Variants in PTPRT observed in about 807,000 individuals in gnomAD.
PTPRT encodes the protein receptor-type tyrosine-protein phosphatase T.
A neutral mutation model predicts 176.8 loss-of-function variants in PTPRT; 56 were observed. The observed-to-expected ratio is 0.32, with a 90% CI of 0.26 to 0.40. The LOEUF is 0.40. Ranked by LOEUF, PTPRT falls within the 10% of genes least tolerant of loss-of-function variation. PTPRT has a pLI of 1.00. For missense variants in PTPRT, 1,540 were observed against 1,908.2 expected (o/e 0.81, Z 3.60); for synonymous variants, 783 against 739.0 (o/e 1.06, Z -0.96).
intron 1 of PTPRT, among the ~76,000 whole-genome samples, chr20:43,137,013 C>A (rs181730925): frequency 1.6e-3 from 243 of 152,292 alleles, no homozygotes; most frequent in African/African-American, 5.7e-3. Context: ...ATGCCAGATT[C>A]TAGAATCCAG....
chr20:42,863,949 G>A (rs1196012108), intron 2 of PTPRT, among the ~76,000 whole-genome samples: 2 of 152,224 alleles, frequency 1.3e-5, no homozygotes, highest in Non-Finnish European at 2.9e-5. Flanking sequence ...AAAGTCTGAA[G>A]AGTCAGGAGC....
At chr20:42,816,547 G>T (rs2077789836) in intron 2 of PTPRT, among the ~76,000 whole-genome samples, 1 of 152,160 alleles carries the variant, frequency 6.6e-6, no homozygotes, top group Non-Finnish European at 1.5e-5. Flanking sequence ...AGGAAGGGAG[G>T]TGACTGGATC....
intron 7 of PTPRT, among the ~76,000 whole-genome samples, chr20:42,629,751 A>G (rs2074368658): frequency 2.0e-5 from 3 of 152,322 alleles, no homozygotes; most frequent in Admixed American, 6.5e-5. Context: ...GAACAGGGAG[A>G]AGATCAAATC....
rs1437454346 is a variant in PTPRT, at chr20:42,145,515, T to TAGATAGAC, written c.2683-3514_2683-3513insGTCTATCT. On this transcript the variant is annotated intron_variant, in intron 17 of 30. Coordinates refer to ENST00000373187, the MANE Select transcript of PTPRT (RefSeq NM_007050.6). ...TTTGTCTCATAGATAGATAGATAGA[T>TAGATAGAC]AGATAGATAGATAGATAGATAGATA... Among the ~76,000 whole-genome samples, 4 of 149,736 alleles carry TAGATAGAC rather than the reference T, an allele frequency of 2.7e-5. No homozygotes were observed. In the South Asian group the frequency reaches 8.4e-4, roughly 32 times the overall value.
intron 7 of PTPRT, among the ~76,000 whole-genome samples, chr20:42,507,778 C>G (rs1479564531): frequency 6.6e-6 from 1 of 151,498 alleles, no homozygotes; most frequent in East Asian, 1.9e-4. Flanking sequence ...TGGGTTGCAA[C>G]AGCAGCCAGA....
chr20:42,241,825 T>G lies in PTPRT; in HGVS notation c.2313-5567A>C, dbSNP rs139389704. 5.3e-5 allele frequency among the ~76,000 whole-genome samples: 8 copies of G among 152,110 alleles called. No individual in the cohort carries two copies. The East Asian group carries it at 1.6e-3, about 30-fold the overall frequency. On this transcript the variant is annotated intron_variant, in intron 14 of 30. Coordinates refer to ENST00000373187, the MANE Select transcript of PTPRT (RefSeq NM_007050.6). ...CACATTTTGTTTGGGCGTTTGGGCT[T>G]TTTTCCCACCTCGATAAATCACTCA...
chr20:42,762,575 A>G (rs2076929796), intron 5 of PTPRT, among the ~76,000 whole-genome samples: 1 of 152,222 alleles, frequency 6.6e-6, no homozygotes, highest in African/African-American at 2.4e-5. Context: ...AACCCAACCC[A>G]TACTCTATTG....
Position 42,718,145 on chromosome 20 carries a change from C to T in PTPRT, c.859+38317G>A, listed in dbSNP as rs531276937. On this transcript the variant is annotated intron_variant, in intron 6 of 30. Coordinates refer to ENST00000373187, the MANE Select transcript of PTPRT (RefSeq NM_007050.6). ...AACACGTACAGAATATTTACAGTCA[C>T]GTGGTTCATTATGTCTAAATAATAG... is the stretch of plus-strand genomic sequence containing the variant. Among the ~76,000 whole-genome samples, 6 of 152,348 alleles carry T rather than the reference C, an allele frequency of 3.9e-5. No homozygotes were observed. In the East Asian group the frequency reaches 9.6e-4, roughly 24 times the overall value.
At chr20:43,088,894 G>C (rs2011713565) in intron 1 of PTPRT, among the ~76,000 whole-genome samples, 1 of 152,100 alleles carries the variant, frequency 6.6e-6, no homozygotes, top group South Asian at 2.1e-4. Flanking sequence ...AGAGGTTCTA[G>C]ATTCTAGATC....
intron 8 of PTPRT, among the ~76,000 whole-genome samples, chr20:42,449,946 CTATGCA>C (rs2070798080): frequency 6.6e-6 from 1 of 151,922 alleles, no homozygotes; most frequent in South Asian, 2.1e-4. Context: ...AAAGATATGC[CTATGCA>C]TATATATATT....
intron 2 of PTPRT, among the ~76,000 whole-genome samples, chr20:42,849,591 G>C (rs984529028): frequency 1.3e-5 from 2 of 152,128 alleles, no homozygotes; most frequent in African/African-American, 4.8e-5. Context: ...AGTGGGCAGA[G>C]CATCAGCCCT....
chr20:42,359,721 C>G (rs1442401038), intron 9 of PTPRT, among the ~76,000 whole-genome samples: 1 of 152,238 alleles, frequency 6.6e-6, no homozygotes, highest in Non-Finnish European at 1.5e-5. Context: ...GCCAGGCTTC[C>G]CTGCTTTCCA....
In PTPRT at chr20:42,202,293, G is replaced by A. The variant is rs1024911142; in HGVS notation, c.2343-2905C>T. Among the ~76,000 whole-genome samples, 5 of 152,204 alleles carry A rather than the reference G, an allele frequency of 3.3e-5. No individual in the cohort carries two copies. In the East Asian group the frequency reaches 5.8e-4, roughly 18 times the overall value. Reference sequence around the variant, plus strand: ...CCGAGAAAGTTTCTTTATACGTCTCGTTTTGGCCATAATTTGGAGAAACAT... The same window carrying A: ...CCGAGAAAGTTTCTTTATACGTCTCATTTTGGCCATAATTTGGAGAAACAT... On this transcript the variant is annotated intron_variant, in intron 15 of 30. Coordinates refer to ENST00000373187, the MANE Select transcript of PTPRT (RefSeq NM_007050.6).
intron 1 of PTPRT, among the ~76,000 whole-genome samples, chr20:43,163,082 C>T (rs557113852): frequency 4.5e-4 from 69 of 152,296 alleles, no homozygotes; most frequent in Non-Finnish European, 1.8e-4. Flanking sequence ...AGGAAGAGAG[C>T]GGAGATAGCT....
intron 12 of PTPRT, among the ~76,000 whole-genome samples, chr20:42,284,432 A>G (rs2057194084): frequency 6.6e-6 from 1 of 152,080 alleles, no homozygotes; most frequent in Non-Finnish European, 1.5e-5. Flanking sequence ...ACAGGCCATC[A>G]TCACAGTCTC....
intron 2 of PTPRT, among the ~76,000 whole-genome samples, chr20:42,796,202 G>A (rs4812647): frequency 0.52 from 78,266 of 151,636 alleles, 21,802 homozygotes; most frequent in Middle Eastern, 0.63. Flanking sequence ...AGCTAATAAC[G>A]CCATATGCCT....
At chr20:43,055,971 CTT>C (rs1243821367) in intron 1 of PTPRT, among the ~76,000 whole-genome samples, 1 of 152,192 alleles carries the variant, frequency 6.6e-6, no homozygotes, top group Non-Finnish European at 1.5e-5. Flanking sequence ...AACCAGTAAA[CTT>C]AGCACAATGT....
chr20:43,088,479 C>G (rs1263965298), intron 1 of PTPRT, among the ~76,000 whole-genome samples: 1 of 152,006 alleles, frequency 6.6e-6, no homozygotes, highest in African/African-American at 2.4e-5. Flanking sequence ...ACTGAGTGCC[C>G]TGTGTGGCTA....
chr20:43,027,573 G>A (rs77489879), intron 1 of PTPRT, among the ~76,000 whole-genome samples: 2,617 of 152,172 alleles, frequency 0.017, 88 homozygotes, highest in African/African-American at 0.059. Flanking sequence ...CAGCAGGGAC[G>A]TGTGGCACAG....
Sources: allele counts gnomAD v4.1 joint callset (sites outside exome capture counted in the v4.1 genomes callset), GRCh38; gene constraint gnomAD v4.1.1; transcripts MANE v1.5; gene names NCBI Gene and HGNC (gene_info 2026-07-23, HGNC 2026-07-21).